Variants in KLHL42 observed in about 807,000 individuals in gnomAD.
KLHL42 encodes the protein kelch-like protein 42.
A neutral mutation model predicts 32.7 loss-of-function variants in KLHL42; 27 were observed. The ratio of observed to expected loss-of-function variants is 0.83; its 90% CI spans 0.61 to 1.14. The LOEUF is 1.14. KLHL42 is among the 50% of genes most tolerant of loss of function. The probability of loss-of-function intolerance (pLI) is 0.00; values close to 1 mark genes in which losing one functional copy is unlikely to be tolerated. For missense variants in KLHL42, 491 were observed against 560.8 expected (o/e 0.88, Z 1.26); for synonymous variants, 267 against 248.2 (o/e 1.08, Z -0.71).
intron 2 of KLHL42, among the ~76,000 whole-genome samples, chr12:27,794,602 C>T (rs998243395): frequency 6.6e-6 from 1 of 152,090 alleles, no homozygotes; most frequent in African/African-American, 2.4e-5. Flanking sequence ...GGCGATCTCC[C>T]ACCTCTGCCT....
Position 27,780,314 on chromosome 12 carries a change from C to T in KLHL42, c.-17C>T. 6.5e-7 allele frequency: 1 copy of T among 1,545,610 alleles called. No individual in the cohort carries two copies. The highest frequency in any genetic ancestry group is 8.7e-7 in the Non-Finnish European group (1 of 1,150,428). The stretch of plus-strand genomic sequence containing the variant: ...GCAGATCTGGCGGTGAGCGCTGCCG[C>T]CCCGGGGCCCCCAGCCATGTCGGCC... On this transcript the variant is annotated 5_prime_UTR_variant, in exon 1 of 3. Transcript: ENST00000381271. The surrounding 1 kb of genome is among the most constrained non-coding windows in gnomAD (Gnocchi z 8.8).
At chr12:27,797,348 C>T (rs996569640) in intron 2 of KLHL42, 10 of 467,964 alleles carry the variant, frequency 2.1e-5, no homozygotes, top group East Asian at 6.6e-5. Flanking sequence ...ATTAAGTAGT[C>T]GGTAATTTTG....
At chr12:27,797,314 C>A in intron 2 of KLHL42, 1 of 459,650 alleles carries the variant, frequency 2.2e-6, no homozygotes, top group South Asian at 1.5e-5. Flanking sequence ...GAATAATCTA[C>A]TTGCTGCCCA....
chr12:27,799,888 A>G lies in KLHL42; in HGVS notation c.*1722A>G, dbSNP rs1404776082. 1.4e-6 allele frequency: 1 copy of G among 696,972 alleles called. No individual in the cohort carries two copies. The highest frequency in any genetic ancestry group is 1.8e-6 in the Non-Finnish European group (1 of 566,734). 43.2% of individuals were successfully genotyped at this position (696,972 alleles called of 1,614,324 possible). On this transcript the variant is annotated 3_prime_UTR_variant, in exon 3 of 3. Transcript: ENST00000381271. ...ACAACTTTGTAAGGGTTTCTAAGCT[A>G]TGCCCATTTATTCCCAAATATTAAG...
chr12:27,796,043 G>C (rs1332696114), intron 2 of KLHL42, among the ~76,000 whole-genome samples: 1 of 152,004 alleles, frequency 6.6e-6, no homozygotes, highest in Non-Finnish European at 1.5e-5. Context: ...AATCCCCTTG[G>C]GCCATCTCCT....
chr12:27,782,799 T>C (rs1157595303), intron 1 of KLHL42, among the ~76,000 whole-genome samples: 1 of 150,342 alleles, frequency 6.7e-6, no homozygotes, highest in East Asian at 1.9e-4. Context: ...AATGCATGAA[T>C]GCATGATTCT....
intron 1 of KLHL42, among the ~76,000 whole-genome samples, chr12:27,781,972 C>G (rs1446167819): frequency 6.6e-6 from 1 of 152,174 alleles, no homozygotes; most frequent in African/African-American, 2.4e-5. Flanking sequence ...AATATCAAAA[C>G]AAGAGCAAAG....
At position 27,780,675 on chromosome 12, in the gene KLHL42, G is replaced by C; in HGVS notation, c.345G>C (p.Thr115=). 2 of 1,599,818 alleles carry C rather than the reference G, an allele frequency of 1.3e-6. No individual in the cohort carries two copies. Among genetic ancestry groups the C allele is most frequent in the East Asian group, 2.2e-5 (1 of 44,666 alleles). Residue 115 remains threonine, a synonymous_variant, in exon 1 of 3, where the codon ACG becomes ACC. Coordinates refer to ENST00000381271, the MANE Select transcript of KLHL42 (RefSeq NM_020782.2). This position sits in a 1 kb window ranked among gnomAD's most constrained non-coding sequence, Gnocchi z 8.8. ...LVEAASFLQV[T]SLLQLLLSQV... ...AGGCGGCCTCCTTCCTGCAGGTCACGTCCCTGCTGCAGCTGCTGCTGTCCC... is the reference window on the plus strand; with the variant it reads ...AGGCGGCCTCCTTCCTGCAGGTCACCTCCCTGCTGCAGCTGCTGCTGTCCC...
In KLHL42 at chr12:27,797,859, G is replaced by C; in HGVS notation, c.1211G>C (p.Gly404Ala). 1 of 780,192 alleles carries C rather than the reference G, an allele frequency of 1.3e-6. No homozygotes were observed. Among genetic ancestry groups the C allele is most frequent in the Non-Finnish European group, 2.4e-6 (1 of 417,520 alleles). The allele number at this position is 780,192 out of a possible 1,614,324, so 48.3% of individuals were successfully genotyped here. Residue 404 changes from glycine to alanine, a missense_variant, in exon 3 of 3, where the codon GGG (glycine) becomes GCG (alanine). Gly to Ala is a moderately conservative substitution (Grantham distance 60). This residue lies in a region of KLHL42 where 152 missense variants were observed against 125.9 expected (regional missense o/e 1.21). Transcript: ENST00000381271. ...GTGGGGGGGTGTCTCCACGAGCTGG[G>C]GCCCAACCGCAGGAGCAGCCAGAGC... is the stretch of plus-strand genomic sequence containing the variant. ...YIVGGCLHEL[G>A]PNRRSSQSED...
rs1290785595 is a variant in KLHL42, at chr12:27,802,782, C to T, written c.*4616C>T. On this transcript the variant is annotated 3_prime_UTR_variant, in exon 3 of 3. Coordinates refer to ENST00000381271, the MANE Select transcript of KLHL42 (RefSeq NM_020782.2). Reference sequence around the variant, plus strand: ...TTAAGAATGGGGCACTTGAGCTGTCCCTGCAATGTTTTCATATCTAGTAGT... The same window carrying T: ...TTAAGAATGGGGCACTTGAGCTGTCTCTGCAATGTTTTCATATCTAGTAGT... The T allele has an allele frequency of 3.9e-5, 6 of 152,090 alleles. No individual in the cohort carries two copies. Among genetic ancestry groups the T allele is most frequent in the African/African-American group, 1.5e-4 (6 of 41,234 alleles). The allele number at this position is 152,090 out of a possible 1,614,324, so 9.4% of individuals were successfully genotyped here.
At chr12:27,785,917 G>A (rs918091185) in intron 1 of KLHL42, among the ~76,000 whole-genome samples, 5 of 152,246 alleles carry the variant, frequency 3.3e-5, no homozygotes, top group Non-Finnish European at 7.4e-5. Context: ...CTTGGTAACA[G>A]TCATTATATT....
intron 1 of KLHL42, among the ~76,000 whole-genome samples, chr12:27,784,321 T>G (rs145190120): frequency 0.033 from 4,981 of 151,550 alleles, 107 homozygotes; most frequent in Admixed American, 0.051. Flanking sequence ...TTTTGTATTT[T>G]TAGTAGAGAA....
At chr12:27,791,375 T>C (rs2062196384) in intron 1 of KLHL42, among the ~76,000 whole-genome samples, 1 of 152,216 alleles carries the variant, frequency 6.6e-6, no homozygotes, top group Non-Finnish European at 1.5e-5. Flanking sequence ...CTCTTACCCT[T>C]GTGCCTGCCC....
intron 1 of KLHL42, 85 bp from the exon 2 acceptor site, chr12:27,791,623 A>C (rs2062197322): frequency 4.2e-6 from 5 of 1,176,594 alleles, no homozygotes; most frequent in Non-Finnish European, 6.2e-6. Flanking sequence ...TCAGATGTTC[A>C]GGAGAGTCTA....
At chr12:27,789,675 C>T (rs531610788) in intron 1 of KLHL42, among the ~76,000 whole-genome samples, 94 of 152,262 alleles carry the variant, frequency 6.2e-4, no homozygotes, top group African/African-American at 2.0e-3. Context: ...AGCTTTATTT[C>T]CTTTGGTTCC....
At chr12:27,789,185 A>G (rs1349859981) in intron 1 of KLHL42, among the ~76,000 whole-genome samples, 1 of 152,226 alleles carries the variant, frequency 6.6e-6, no homozygotes, top group Non-Finnish European at 1.5e-5. Flanking sequence ...TATCTCTGCA[A>G]GTGCTGTCCT....
At position 27,800,945 on chromosome 12, in the gene KLHL42, G is replaced by A. The variant is rs1159887161; in HGVS notation, c.*2779G>A. On this transcript the variant is annotated 3_prime_UTR_variant, in exon 3 of 3. Transcript: ENST00000381271. ...TATAGATAGCAGTCTGAATGGTAGA[G>A]AGTCCTGTGTGTGGGTTGTTAGAAG... 2 of 152,192 alleles carry A rather than the reference G, an allele frequency of 1.3e-5. No homozygotes were observed. The highest frequency in any genetic ancestry group is 4.8e-5 in the African/African-American group (2 of 41,440). The allele number at this position is 152,192 out of a possible 1,614,324, so 9.4% of individuals were successfully genotyped here.
At chr12:27,784,772 C>CT (rs1178472072) in intron 1 of KLHL42, among the ~76,000 whole-genome samples, 1 of 152,288 alleles carries the variant, frequency 6.6e-6, no homozygotes, top group East Asian at 1.9e-4. Context: ...ATATTATCAT[C>CT]TTTTTTTCCC....
In KLHL42 at chr12:27,781,127, A is replaced by G. The variant is rs1464342029; in HGVS notation, c.797A>G (p.Gln266Arg). The G allele has an allele frequency of 6.2e-7, 1 of 1,614,144 alleles. No homozygotes were observed. The highest frequency in any genetic ancestry group is 1.7e-5 in the Admixed American group (1 of 60,022). ...GTGGGCGGGTACAGGATCACTAGCC[A>G]GGAGATCTCCGCTGCGCATTCCTAC... ...FIVGGYRITS[Q>R]EISAAHSYNP... is the part of the protein sequence containing the mutation. The change falls in exon 1 of 3, where the codon CAG becomes CGG. Residue 266 changes from glutamine to arginine, a missense_variant. By Grantham distance (43) the Gln-to-Arg change is conservative (BLOSUM62 1). Coordinates refer to ENST00000381271, the MANE Select transcript of KLHL42 (RefSeq NM_020782.2).
Sources: gnomAD v4.1 joint callset for allele counts (sites outside exome capture counted in the v4.1 genomes callset) on GRCh38, gnomAD v4.1.1 for gene constraint, gnomAD v4.1.1 regional missense constraint, Gnocchi (gnomAD v3.1) non-coding constraint, MANE v1.5 for transcripts, NCBI Gene and HGNC (gene_info 2026-07-23, HGNC 2026-07-21) for gene names.